Variants in CNGB3 observed in about 807,000 individuals in gnomAD.
CNGB3 encodes the protein cyclic nucleotide-gated channel beta-3.
In CNGB3, 86 loss-of-function variants were observed where a neutral mutation model predicts 92.8. The observed-to-expected ratio is 0.93, with a 90% CI of 0.78 to 1.11. The LOEUF is 1.11. Ranked by LOEUF, CNGB3 falls within the 50% of genes least tolerant of loss-of-function variation. The pLI is 0.00. For synonymous variants in CNGB3, 333 were observed against 332.7 expected (o/e 1.00, Z -0.01); for missense variants, 1,026 against 956.8 (o/e 1.07, Z -0.95).
intron 13 of CNGB3, among the ~76,000 whole-genome samples, chr8:86,620,970 T>C (rs1822714252): frequency 6.6e-6 from 1 of 152,196 alleles, no homozygotes; most frequent in Admixed American, 6.5e-5. Context: ...ACTGTATCTT[T>C]AACAGAAATG....
chr8:86,643,685 A>G, intron 10 of CNGB3, 66 bp downstream of exon 10: 1 of 1,550,608 alleles, frequency 6.4e-7, no homozygotes, highest in South Asian at 1.1e-5. Flanking sequence ...GGCTCTCATA[A>G]ATTCATACAA....
intron 6 of CNGB3, among the ~76,000 whole-genome samples, chr8:86,656,962 CAGAT>C (rs537192031): frequency 3.3e-5 from 5 of 152,152 alleles, no homozygotes; most frequent in Non-Finnish European, 7.3e-5. Flanking sequence ...AAATTTTACA[CAGAT>C]AGAATATGTA....
chr8:86,589,521 A>C (rs1394506306), intron 15 of CNGB3, among the ~76,000 whole-genome samples: 2 of 151,990 alleles, frequency 1.3e-5, no homozygotes, highest in South Asian at 2.1e-4. Flanking sequence ...TGAGTCCCAG[A>C]GATTCTGGTA....
At position 86,593,717 on chromosome 8, in the gene CNGB3, G is replaced by A. The variant is rs918530601; in HGVS notation, c.1781+10376C>T. ...AGGCACGCTGAGGGCCAGGCCTGTCGTCCAGCAGTGGTGGGGGTGGAAGAA... is the reference window on the plus strand; with the variant it reads ...AGGCACGCTGAGGGCCAGGCCTGTCATCCAGCAGTGGTGGGGGTGGAAGAA... On this transcript the variant is annotated intron_variant, in intron 15 of 17. Coordinates refer to ENST00000320005, the MANE Select transcript of CNGB3 (RefSeq NM_019098.5). 141 of 870,530 alleles carry A rather than the reference G, an allele frequency of 1.6e-4. 1 individual carries two copies. The highest frequency in any genetic ancestry group is 5.4e-4 in the Admixed American group (27 of 49,686). The allele number at this position is 870,530 out of a possible 1,614,324, so 53.9% of individuals were successfully genotyped here. A position where few individuals can be genotyped will look rare whatever the true frequency, so the allele number is the denominator to read the frequency against.
intron 15 of CNGB3, among the ~76,000 whole-genome samples, chr8:86,585,015 G>A (rs1821864573): frequency 6.6e-6 from 1 of 152,126 alleles, no homozygotes; most frequent in East Asian, 1.9e-4. Flanking sequence ...AATGTCTCCT[G>A]TAGGAAACAA....
At chr8:86,598,991 C>T (rs572400054) in intron 15 of CNGB3, among the ~76,000 whole-genome samples, 1 of 152,194 alleles carries the variant, frequency 6.6e-6, no homozygotes, top group Non-Finnish European at 1.5e-5. Context: ...CTTTACATAC[C>T]CCTCAGTAGG....
chr8:86,582,629 A>G (rs574801584), intron 15 of CNGB3, among the ~76,000 whole-genome samples: 7 of 152,330 alleles, frequency 4.6e-5, no homozygotes, highest in African/African-American at 1.7e-4. Flanking sequence ...TAAGAGTTGT[A>G]GCAGATTTTT....
At chr8:86,721,456 G>A (rs1428610497) in intron 3 of CNGB3, among the ~76,000 whole-genome samples, 2 of 151,910 alleles carry the variant, frequency 1.3e-5, no homozygotes, top group Admixed American at 6.6e-5. Context: ...TACACATTGG[G>A]TACAGTGTTC....
intron 15 of CNGB3, among the ~76,000 whole-genome samples, chr8:86,590,985 C>A (rs1283028082): frequency 6.6e-6 from 1 of 152,072 alleles, no homozygotes; most frequent in Non-Finnish European, 1.5e-5. Context: ...ACCAATCAGA[C>A]GTAGATTTGG....
At chr8:86,628,463 T>C (rs572442199) in intron 12 of CNGB3, among the ~76,000 whole-genome samples, 1 of 152,148 alleles carries the variant, frequency 6.6e-6, no homozygotes, top group Non-Finnish European at 1.5e-5. Flanking sequence ...AACTGTACTG[T>C]GTTCTGGGTA....
chr8:86,692,791 CTT>C (rs34755011), intron 3 of CNGB3, among the ~76,000 whole-genome samples: 2 of 151,330 alleles, frequency 1.3e-5, no homozygotes, highest in South Asian at 2.1e-4. Flanking sequence ...GCCTAAATAC[CTT>C]TTTTTTTCAT....
intron 3 of CNGB3, among the ~76,000 whole-genome samples, chr8:86,702,408 C>T (rs1246662784): frequency 6.6e-6 from 1 of 152,138 alleles, no homozygotes; most frequent in Non-Finnish European, 1.5e-5. Context: ...TGTATTAATA[C>T]AGATACTCCA....
intron 1 of CNGB3, among the ~76,000 whole-genome samples, chr8:86,740,862 A>T (rs1825328526): frequency 6.6e-6 from 1 of 152,196 alleles, no homozygotes; most frequent in African/African-American, 2.4e-5. Flanking sequence ...GTATAAGTCC[A>T]GGACTATTTA....
At chr8:86,678,208 C>T (rs1473177145) in intron 3 of CNGB3, among the ~76,000 whole-genome samples, 3 of 152,152 alleles carry the variant, frequency 2.0e-5, no homozygotes, top group Non-Finnish European at 4.4e-5. Context: ...GAAAAAAAAT[C>T]TCACTTTACA....
In CNGB3 at chr8:86,647,904, T is replaced by G. The variant is rs1283848461; in HGVS notation, c.904-17A>C. 16 of 1,438,586 alleles carry G rather than the reference T, an allele frequency of 1.1e-5. No individual in the cohort carries two copies. The highest frequency in any genetic ancestry group is 3.4e-5 in the Admixed American group (2 of 59,456). 89.1% of individuals were successfully genotyped at this position (1,438,586 alleles called of 1,614,324 possible). ...GACATCCAACTGTTGAAAGAACACATTCACAAATATGTTGTGTTTACATGC... is the reference window on the plus strand; with the variant it reads ...GACATCCAACTGTTGAAAGAACACAGTCACAAATATGTTGTGTTTACATGC... On this transcript the variant is annotated splice_polypyrimidine_tract_variant and intron_variant, in intron 7 of 17. Coordinates refer to ENST00000320005, the MANE Select transcript of CNGB3 (RefSeq NM_019098.5).
At position 86,578,785 on chromosome 8, in the gene CNGB3, T is replaced by G. The variant is rs147991883; in HGVS notation, c.2007A>C (p.Lys669Asn). The G allele has an allele frequency of 1.9e-5, 31 of 1,614,054 alleles. No individual in the cohort carries two copies. The highest frequency in any genetic ancestry group is 2.6e-5 in the Non-Finnish European group (31 of 1,180,036). The change falls in exon 17 of 18, where the codon AAA (lysine) becomes AAC (asparagine). Residue 669 changes from lysine (K) to asparagine (N), a missense_variant. Lys to Asn is a moderately conservative substitution (Grantham distance 94). Transcript: ENST00000320005. ...TTTTAAACAGTTTGGGTGTCTCTTC[T>G]TTCGGTGGGAAGAGGAGGGCAAGAT... is the stretch of plus-strand genomic sequence containing the variant. ...RKDLALLFPP[K>N]EETPKLFKTL...
intron 11 of CNGB3, among the ~76,000 whole-genome samples, chr8:86,630,065 C>A (rs1235639936): frequency 6.6e-6 from 1 of 152,126 alleles, no homozygotes; most frequent in Non-Finnish European, 1.5e-5. Context: ...TTGTGATGCC[C>A]TCCTCAGTTT....
intron 3 of CNGB3, among the ~76,000 whole-genome samples, chr8:86,712,001 T>C (rs147551880): frequency 6.6e-6 from 1 of 152,160 alleles, no homozygotes; most frequent in African/African-American, 2.4e-5. Context: ...GATTACCTGA[T>C]ATATTGGTTA....
chr8:86,600,662 C>T (rs867906031), intron 15 of CNGB3, among the ~76,000 whole-genome samples: 226 of 148,886 alleles, frequency 1.5e-3, no homozygotes, highest in African/African-American at 5.1e-3. Flanking sequence ...CAGGCTGGAG[C>T]GCAGTGGCGC....
Sources: allele counts gnomAD v4.1 joint callset (sites outside exome capture counted in the v4.1 genomes callset), GRCh38; gene constraint gnomAD v4.1.1; transcripts MANE v1.5; gene names NCBI Gene and HGNC (gene_info 2026-07-23, HGNC 2026-07-21).